Variants in SHISA6 observed in about 807,000 individuals in gnomAD.
SHISA6 encodes the protein shisa family member 6, also known as protein shisa-6.
Under a neutral mutation model 47.9 loss-of-function variants are expected in SHISA6, and 22 were observed. The ratio of observed to expected loss-of-function variants is 0.46; its 90% CI spans 0.33 to 0.66. SHISA6 has a LOEUF of 0.66. Among genes scored for constraint, SHISA6 ranks in the 30% least tolerant of loss-of-function variants. The probability of loss-of-function intolerance (pLI) is 0.02; values close to 1 mark genes in which losing one functional copy is unlikely to be tolerated. For missense variants in SHISA6, 680 were observed against 764.6 expected (o/e 0.89, Z 1.30); for synonymous variants, 388 against 337.8 (o/e 1.15, Z -1.63).
chr17:11,376,809 G>A (rs1912817859), intron 2 of SHISA6, among the ~76,000 whole-genome samples: 1 of 152,142 alleles, frequency 6.6e-6, no homozygotes, highest in Non-Finnish European at 1.5e-5. Flanking sequence ...AGCATTATTA[G>A]CATCATCTGG....
chr17:11,523,134 A>G (rs1451344617), intron 3 of SHISA6, among the ~76,000 whole-genome samples: 1 of 152,246 alleles, frequency 6.6e-6, no homozygotes, highest in African/African-American at 2.4e-5. Context: ...GTAAGTTTTT[A>G]GGAACCACCA....
At chr17:11,329,743 G>A (rs1159713577) in intron 2 of SHISA6, among the ~76,000 whole-genome samples, 3 of 152,164 alleles carry the variant, frequency 2.0e-5, no homozygotes, top group Admixed American at 6.5e-5. Flanking sequence ...GCAAGGTCCA[G>A]CAGAACCAGT....
intron 2 of SHISA6, among the ~76,000 whole-genome samples, chr17:11,273,191 C>T (rs1908746690): frequency 1.3e-5 from 2 of 152,226 alleles, no homozygotes; most frequent in Non-Finnish European, 2.9e-5. Flanking sequence ...ACCAAGGTCA[C>T]ACAGCCAGGA....
At chr17:11,496,034 A>ATCCATCC (rs1567621304) in intron 3 of SHISA6, among the ~76,000 whole-genome samples, 1 of 120,768 alleles carries the variant, frequency 8.3e-6, no homozygotes, top group African/African-American at 3.0e-5. Context: ...TCCATCCATC[A>ATCCATCC]CACAACAGAT....
At chr17:11,353,454 TAA>T (rs531371915) in intron 2 of SHISA6, among the ~76,000 whole-genome samples, 62 of 126,216 alleles carry the variant, frequency 4.9e-4, no homozygotes, top group Admixed American at 6.4e-4. Context: ...AGACTCCGTC[TAA>T]AAAAAAAAAA....
intron 2 of SHISA6, among the ~76,000 whole-genome samples, chr17:11,309,911 C>T (rs1054400011): frequency 6.6e-6 from 1 of 152,224 alleles, no homozygotes; most frequent in Non-Finnish European, 1.5e-5. Context: ...CTTATTGAGG[C>T]ATTGTCCTCA....
At chr17:11,524,025 GAAAGA>G (rs1218425231) in intron 3 of SHISA6, among the ~76,000 whole-genome samples, 2 of 136,858 alleles carry the variant, frequency 1.5e-5, no homozygotes, top group Non-Finnish European at 3.2e-5. Flanking sequence ...AAAGAAAAAA[GAAAGA>G]AAAGAAAAGA....
chr17:11,540,787 T>C (rs554657698), intron 3 of SHISA6, among the ~76,000 whole-genome samples: 6 of 152,202 alleles, frequency 3.9e-5, no homozygotes, highest in Non-Finnish European at 8.8e-5. Flanking sequence ...CAAAACTTAC[T>C]TAACTCAAAA....
chr17:11,381,521 C>G (rs1343624609), intron 3 of SHISA6, among the ~76,000 whole-genome samples: 1 of 152,074 alleles, frequency 6.6e-6, no homozygotes, highest in Non-Finnish European at 1.5e-5. Flanking sequence ...GAAGGCCTCT[C>G]CAATAAGGTG....
At chr17:11,446,345 T>C (rs1375838157) in intron 3 of SHISA6, among the ~76,000 whole-genome samples, 1 of 152,106 alleles carries the variant, frequency 6.6e-6, no homozygotes. Context: ...CCACACACAC[T>C]AGACCTTCAT....
chr17:11,296,463 A>G (rs1489614688), intron 2 of SHISA6, among the ~76,000 whole-genome samples: 4 of 152,130 alleles, frequency 2.6e-5, no homozygotes, highest in Non-Finnish European at 4.4e-5. Context: ...ATGGATTAGA[A>G]AGGGAGTAAC....
chr17:11,348,851 T>G (rs374746740), intron 2 of SHISA6, among the ~76,000 whole-genome samples: 7 of 152,224 alleles, frequency 4.6e-5, no homozygotes, highest in African/African-American at 1.7e-4. Context: ...TTGTGAAGCA[T>G]TTATATTCTT....
intron 3 of SHISA6, among the ~76,000 whole-genome samples, chr17:11,421,931 A>T (rs1018468840): frequency 6.6e-6 from 1 of 152,140 alleles, no homozygotes; most frequent in Non-Finnish European, 1.5e-5. Context: ...GTTTCTCAGG[A>T]TGTTTTCAAA....
intron 2 of SHISA6, among the ~76,000 whole-genome samples, chr17:11,332,817 G>C (rs1270208110): frequency 1.3e-5 from 2 of 152,110 alleles, no homozygotes; most frequent in Non-Finnish European, 2.9e-5. Flanking sequence ...TTAGTGGGGG[G>C]TTTTGACAGA....
At chr17:11,321,029 A>C (rs1910701184) in intron 2 of SHISA6, among the ~76,000 whole-genome samples, 1 of 152,194 alleles carries the variant, frequency 6.6e-6, no homozygotes, top group Admixed American at 6.6e-5. Flanking sequence ...TACCTACTTA[A>C]TATCACATAA....
chr17:11,332,922 T>A lies in SHISA6; in HGVS notation c.800-46492T>A, dbSNP rs545864849. Among the ~76,000 whole-genome samples, 3 of 152,240 alleles carry A rather than the reference T, an allele frequency of 2.0e-5. No individual in the cohort carries two copies. In the South Asian group the frequency reaches 6.2e-4, roughly 32 times the overall value. ...GGTGTCATTGTCTCTCGGGTGGTGG[T>A]AGAAGTCAAACTGCCAGTGCGGCAT... On this transcript the variant is annotated intron_variant, in intron 2 of 5. Transcript: ENST00000441885.
rs935816426 is a variant in SHISA6 at position 11,419,067 on chromosome 17, G to A, written c.895+39558G>A. Among the ~76,000 whole-genome samples the A allele has an allele frequency of 3.9e-5, 6 of 151,962 alleles. No homozygotes were observed. The East Asian group carries it at 5.8e-4, about 15-fold the overall frequency. On this transcript the variant is annotated intron_variant, in intron 3 of 5. Coordinates refer to ENST00000441885, the MANE Select transcript of SHISA6 (RefSeq NM_207386.4). The stretch of plus-strand genomic sequence containing the variant: ...CATCACACACTGGGGACTGTTGTGG[G>A]GTGGGGGGAGCGGGGAGGGATAGCA...
At chr17:11,504,513 C>A (rs553969260) in intron 3 of SHISA6, among the ~76,000 whole-genome samples, 1 of 152,238 alleles carries the variant, frequency 6.6e-6, no homozygotes, top group Non-Finnish European at 1.5e-5. Context: ...AGAAGTGAAA[C>A]CAGCATTCCT....
chr17:11,447,965 G>A (rs16944760), intron 3 of SHISA6, among the ~76,000 whole-genome samples: 2,095 of 152,250 alleles, frequency 0.014, 40 homozygotes, highest in African/African-American at 0.046. Flanking sequence ...GTTCCTCGCC[G>A]CCAACTGTGC....
Sources: allele counts gnomAD v4.1 joint callset (sites outside exome capture counted in the v4.1 genomes callset), GRCh38; gene constraint gnomAD v4.1.1; transcripts MANE v1.5; gene names NCBI Gene and HGNC (gene_info 2026-07-23, HGNC 2026-07-21).